Variants in GLYATL3 observed in about 807,000 individuals in gnomAD.
GLYATL3 encodes glycine-N-acyltransferase like 3, also known as glycine N-acyltransferase-like protein 3.
Under a neutral mutation model 28.5 loss-of-function variants are expected in GLYATL3, and 31 were observed. The ratio of observed to expected loss-of-function variants is 1.09; its 90% confidence interval spans 0.82 to 1.47. The LOEUF is 1.47. Among genes scored for constraint, GLYATL3 ranks in the 40% most tolerant of loss-of-function variants. The pLI is 0.00. For synonymous variants in GLYATL3, 141 were observed against 140.2 expected (o/e 1.01, Z -0.04); for missense variants, 369 against 351.5 (o/e 1.05, Z -0.40).
chr6:49,527,144 T>G lies in GLYATL3; in HGVS notation c.*230T>G. 6.0e-6 allele frequency: 3 copies of G among 498,982 alleles called. No homozygotes were observed. The highest frequency in any genetic ancestry group is 3.1e-5 in the East Asian group (1 of 31,934). The allele number at this position is 498,982 out of a possible 1,614,324, so 30.9% of individuals were successfully genotyped here. A position where few individuals can be genotyped will look rare whatever the true frequency, so the allele number is the denominator to read the frequency against. The stretch of plus-strand genomic sequence containing the variant: ...AGCTGTGGCTGAAGACTGAGGACGA[T>G]TGTCCTCCTGTAGGATCCACTGTAG... On this transcript the variant is annotated 3_prime_UTR_variant, in exon 6 of 6. Transcript: ENST00000371197.
Position 49,526,719 on chromosome 6 carries a change from A to T in GLYATL3, c.672A>T (p.Lys224Asn), listed in dbSNP as rs1769424197. Reference protein sequence around the residue: ...HGYTLPEHRRKGYSRLVALTL... With the variant: ...HGYTLPEHRRNGYSRLVALTL... ...ACACCCTGCCAGAACATCGCAGGAA[A>T]GGTTACAGCCGGCTGGTGGCCCTCA... Residue 224 changes from lysine (K) to asparagine (N), a missense_variant, in exon 6 of 6, where the codon AAA (lysine) becomes AAT (asparagine). Transcript: ENST00000371197. The T allele has an allele frequency of 6.4e-7, 1 of 1,551,590 alleles. No individual in the cohort carries two copies. Among genetic ancestry groups the T allele is most frequent in the African/African-American group, 1.4e-5 (1 of 73,030 alleles).
At chr6:49,526,466 T>G (rs550723524) in intron 5 of GLYATL3, 22 bp from the exon 6 acceptor site, 32 of 1,543,462 alleles carry the variant, frequency 2.1e-5, no homozygotes, top group Non-Finnish European at 2.7e-5. Context: ...GTCCTATTTG[T>G]TTTTGTGTCA....
intron 1 of GLYATL3, among the ~76,000 whole-genome samples, chr6:49,510,095 C>T (rs1463975410): frequency 6.6e-6 from 1 of 151,176 alleles, no homozygotes; most frequent in Non-Finnish European, 1.5e-5. Context: ...AGTGCAATGG[C>T]ATGATCTTGG....
intron 1 of GLYATL3, among the ~76,000 whole-genome samples, chr6:49,504,545 G>T (rs777364567): frequency 2.0e-5 from 3 of 152,060 alleles, no homozygotes; most frequent in Non-Finnish European, 4.4e-5. Flanking sequence ...CTAGATTTAG[G>T]AATATTAAGA....
At chr6:49,509,685 A>G (rs531873453) in intron 1 of GLYATL3, among the ~76,000 whole-genome samples, 1 of 152,366 alleles carries the variant, frequency 6.6e-6, no homozygotes, top group South Asian at 2.1e-4. Flanking sequence ...TTGCTGCTCT[A>G]TGCATGACTG....
intron 4 of GLYATL3, among the ~76,000 whole-genome samples, chr6:49,521,152 G>T (rs960507559): frequency 1.3e-5 from 2 of 152,152 alleles, no homozygotes; most frequent in Admixed American, 1.3e-4. Flanking sequence ...ATCTGGGTGA[G>T]GTAAGTTCAG....
At chr6:49,514,922 AG>A (rs1281923393) in intron 2 of GLYATL3, among the ~76,000 whole-genome samples, 2 of 152,180 alleles carry the variant, frequency 1.3e-5, no homozygotes, top group Non-Finnish European at 2.9e-5. Context: ...TAATAATAAA[AG>A]AAGGGCAAAC....
At chr6:49,514,962 A>C (rs969226617) in intron 2 of GLYATL3, among the ~76,000 whole-genome samples, 3 of 152,170 alleles carry the variant, frequency 2.0e-5, no homozygotes, top group Non-Finnish European at 2.9e-5. Flanking sequence ...AAAATGTGAA[A>C]GGCCACAGAA....
chr6:49,507,849 C>A (rs137893851), intron 1 of GLYATL3, among the ~76,000 whole-genome samples: 3 of 152,232 alleles, frequency 2.0e-5, no homozygotes, highest in Admixed American at 6.5e-5. Flanking sequence ...CTGAATATAC[C>A]AGCATTTCTT....
At position 49,511,976 on chromosome 6, in the gene GLYATL3, A is replaced by G; in HGVS notation, c.-15A>G. The G allele has an allele frequency of 7.4e-7, 1 of 1,359,536 alleles. No individual in the cohort carries two copies. The highest frequency in any genetic ancestry group is 1.0e-6 in the Non-Finnish European group (1 of 985,626). 84.2% of individuals were successfully genotyped at this position (1,359,536 alleles called of 1,614,324 possible). The stretch of plus-strand genomic sequence containing the variant: ...GTTTCTAATTAGGTGTGGAGTTGCA[A>G]GAGCTCTGGAAAAGATGTTGGTGCT... On this transcript the variant is annotated 5_prime_UTR_variant, in exon 2 of 6. Transcript: ENST00000371197.
At chr6:49,501,281 C>T (rs1581862964) in intron 1 of GLYATL3, among the ~76,000 whole-genome samples, 1 of 152,098 alleles carries the variant, frequency 6.6e-6, no homozygotes, top group Admixed American at 6.5e-5. Context: ...TGGTGTGTAT[C>T]GCGGGAGCTG....
chr6:49,525,215 T>C (rs1769386273), intron 5 of GLYATL3, among the ~76,000 whole-genome samples: 1 of 151,760 alleles, frequency 6.6e-6, no homozygotes, highest in East Asian at 1.9e-4. Flanking sequence ...GTTTTTGTTG[T>C]TGTTGTTGTT....
intron 1 of GLYATL3, among the ~76,000 whole-genome samples, chr6:49,502,557 A>G (rs1375353850): frequency 6.6e-6 from 1 of 152,198 alleles, no homozygotes; most frequent in Non-Finnish European, 1.5e-5. Flanking sequence ...TTCTAAACTT[A>G]TAATTCTTAT....
At chr6:49,521,895 A>G in intron 5 of GLYATL3, 124 bp downstream of exon 5, 1 of 792,164 alleles carries the variant, frequency 1.3e-6, no homozygotes, top group Non-Finnish European at 2.0e-6. Flanking sequence ...ACCATTGAGC[A>G]CAAACGGGAG....
Position 49,519,030 on chromosome 6 carries a change from C to T in GLYATL3, c.313+1474C>T, listed in dbSNP as rs1769268847. On this transcript the variant is annotated intron_variant, in intron 4 of 5. Coordinates refer to ENST00000371197, the MANE Select transcript of GLYATL3 (RefSeq NM_001010904.2). Reference sequence around the variant, plus strand: ...ATCTCTCACCTTTACAGATTTGCCCCAGTCACGCTGGTTAGAAATGAGACA... The same window carrying T: ...ATCTCTCACCTTTACAGATTTGCCCTAGTCACGCTGGTTAGAAATGAGACA... Among the ~76,000 whole-genome samples, 4 of 152,164 alleles carry T rather than the reference C, an allele frequency of 2.6e-5. 1 individual carries two copies. The South Asian group carries it at 8.3e-4, about 32-fold the overall frequency.
chr6:49,521,894 C>A, intron 5 of GLYATL3, 123 bp downstream of exon 5: 1 of 797,624 alleles, frequency 1.3e-6, no homozygotes, highest in Non-Finnish European at 2.0e-6. Context: ...AACCATTGAG[C>A]ACAAACGGGA....
intron 1 of GLYATL3, among the ~76,000 whole-genome samples, chr6:49,501,391 G>A (rs959319946): frequency 3.3e-5 from 5 of 152,194 alleles, no homozygotes; most frequent in African/African-American, 9.7e-5. Context: ...AGCAGGTCCC[G>A]CGGTGCCGCC....
At chr6:49,509,948 C>CTTCCTTTT (rs68151540) in intron 1 of GLYATL3, among the ~76,000 whole-genome samples, 135 of 100,262 alleles carry the variant, frequency 1.3e-3, no homozygotes, top group South Asian at 3.5e-3. Flanking sequence ...TATTTTCTTT[C>CTTCCTTTT]TCTTTCTTTC....
intron 3 of GLYATL3, 91 bp downstream of exon 3, chr6:49,515,851 C>T (rs1769205943): frequency 1.4e-6 from 1 of 718,672 alleles, no homozygotes; most frequent in Non-Finnish European, 2.5e-6. Context: ...TAGCCATTTA[C>T]ATTAGCTTAC....
Sources: gnomAD v4.1 joint callset for allele counts (sites outside exome capture counted in the v4.1 genomes callset) on GRCh38, gnomAD v4.1.1 for gene constraint, MANE v1.5 for transcripts, NCBI Gene and HGNC (gene_info 2026-07-23, HGNC 2026-07-21) for gene names.